Variants in SCAF11 observed in about 807,000 individuals in gnomAD.
SCAF11 encodes the protein SR-related CTD associated factor 11, also known as protein SCAF11.
In SCAF11, 47 loss-of-function variants were observed where a neutral mutation model predicts 140.5. The ratio of observed to expected loss-of-function variants is 0.33; its 90% CI spans 0.26 to 0.43. SCAF11 has a LOEUF of 0.43. Among genes scored for constraint, SCAF11 ranks in the 20% least tolerant of loss-of-function variants. SCAF11 has a pLI of 1.00. For missense variants in SCAF11, 1,645 were observed against 1,705.1 expected (o/e 0.96, Z 0.62); for synonymous variants, 557 against 579.4 (o/e 0.96, Z 0.55).
chr12:45,928,023 C>A lies in SCAF11; in HGVS notation c.1678G>T (p.Val560Leu), dbSNP rs201926084. ...AGGGGACAAGATACAGGTTGGTACA[C>A]TTTGCTTTCAGATGTTAAACATGTA... ...FPTCLTSESK[V>L]YQPVSCPLSD... Residue 560 changes from valine (V) to leucine (L), a missense_variant, in exon 11 of 15, where the codon GTG (valine) becomes TTG (leucine). Val to Leu is a conservative substitution (Grantham distance 32). Around this residue, in one of 2 missense-constraint regions of SCAF11, gnomAD observed 1,582 missense variants for 1,609.2 expected, o/e 0.98. Coordinates refer to ENST00000369367, the MANE Select transcript of SCAF11 (RefSeq NM_004719.3). 6.2e-7 allele frequency: 1 copy of A among 1,613,394 alleles called. No homozygotes were observed. The highest frequency in any genetic ancestry group is 8.5e-7 in the Non-Finnish European group (1 of 1,180,010).
chr12:45,963,433 A>G, intron 2 of SCAF11, among the ~76,000 whole-genome samples: 1 of 152,074 alleles, frequency 6.6e-6, no homozygotes, highest in East Asian at 1.9e-4. Context: ...AAAAAAAATG[A>G]GTAATATCTT....
Position 45,990,376 on chromosome 12 carries a change from G to A in SCAF11, c.-45C>T. 8.1e-7 allele frequency: 1 copy of A among 1,232,176 alleles called. No individual in the cohort carries two copies. 76.3% of individuals were successfully genotyped at this position (1,232,176 alleles called of 1,614,324 possible). A position where few individuals can be genotyped will look rare whatever the true frequency, so the allele number is the denominator to read the frequency against. On this transcript the variant is annotated 5_prime_UTR_variant, in exon 1 of 15. Transcript: ENST00000369367. ...ACCTCAGACCGAGGTCGAGGCGCTC[G>A]GTCCGGCCGCGGCCCCACAGTAGGT...
Position 45,921,284 on chromosome 12 carries a change from A to G in SCAF11, c.*764T>C, listed in dbSNP as rs1364024571. The G allele has an allele frequency of 6.6e-6, 1 of 152,636 alleles. No individual in the cohort carries two copies. Among genetic ancestry groups the G allele is most frequent in the African/African-American group, 2.4e-5 (1 of 41,442 alleles). The allele number at this position is 152,636 out of a possible 1,614,324, so 9.5% of individuals were successfully genotyped here. ...GGCGTGAGCCATCATGCCCGGCCGA[A>G]AGTCAACAATTTTTCCAAATCTTTT... is the stretch of plus-strand genomic sequence containing the variant. On this transcript the variant is annotated 3_prime_UTR_variant, in exon 15 of 15. Coordinates refer to ENST00000369367, the MANE Select transcript of SCAF11 (RefSeq NM_004719.3).
At position 45,947,391 on chromosome 12, in the gene SCAF11, T is replaced by A. The variant is rs566585832; in HGVS notation, c.398+1046A>T. 1.7e-4 allele frequency among the ~76,000 whole-genome samples: 26 copies of A among 151,986 alleles called. 1 individual carries two copies. On this transcript the variant is annotated intron_variant, in intron 5 of 14. Transcript: ENST00000369367. ...AATAGGCAATGGTTTTAACAGCAAC[T>A]AAAAAAAAGAAACCTGTATATTTAA...
intron 1 of SCAF11, among the ~76,000 whole-genome samples, chr12:45,985,990 C>G (rs1269410924): frequency 5.3e-5 from 8 of 152,170 alleles, no homozygotes; most frequent in African/African-American, 1.9e-4. Context: ...CCCACTCACC[C>G]TCTACTTCTC....
intron 10 of SCAF11, among the ~76,000 whole-genome samples, chr12:45,930,434 C>T (rs1480277622): frequency 1.4e-5 from 2 of 147,460 alleles, no homozygotes; most frequent in East Asian, 3.9e-4. Flanking sequence ...CCAGGTTTTG[C>T]GTTGTGTTTT....
intron 1 of SCAF11, among the ~76,000 whole-genome samples, chr12:45,965,051 A>C (rs1427504526): frequency 4.6e-5 from 7 of 152,118 alleles, no homozygotes; most frequent in Admixed American, 4.6e-4. Flanking sequence ...GAGAGGTAAT[A>C]AGAAATAAGC....
At chr12:45,978,567 C>T (rs1946286047) in intron 1 of SCAF11, among the ~76,000 whole-genome samples, 1 of 152,118 alleles carries the variant, frequency 6.6e-6, no homozygotes, top group Non-Finnish European at 1.5e-5. Flanking sequence ...ACTACAGGAG[C>T]ACTTGGGTCA....
At chr12:45,984,749 C>CA (rs1177667587) in intron 1 of SCAF11, among the ~76,000 whole-genome samples, 1 of 146,236 alleles carries the variant, frequency 6.8e-6, no homozygotes, top group African/African-American at 2.6e-5. Flanking sequence ...GGCTGGAGTG[C>CA]AGTGTGGTGA....
intron 5 of SCAF11, among the ~76,000 whole-genome samples, chr12:45,947,714 T>C (rs1218783605): frequency 1.3e-5 from 2 of 152,210 alleles, no homozygotes; most frequent in Non-Finnish European, 2.9e-5. Flanking sequence ...TCTTGCTCTG[T>C]TGCTCAGGCT....
intron 1 of SCAF11, among the ~76,000 whole-genome samples, chr12:45,978,588 A>C (rs1946286720): frequency 6.6e-6 from 1 of 152,170 alleles, no homozygotes; most frequent in Non-Finnish European, 1.5e-5. Context: ...ACAGCACTGT[A>C]TTTTCACATC....
At chr12:45,939,462 G>A (rs753645241) in intron 6 of SCAF11, among the ~76,000 whole-genome samples, 1 of 152,130 alleles carries the variant, frequency 6.6e-6, no homozygotes, top group East Asian at 1.9e-4. Flanking sequence ...TTGGGAGGCC[G>A]AGACGGGCAG....
chr12:45,930,320 C>G (rs935835949), intron 10 of SCAF11, among the ~76,000 whole-genome samples: 2 of 152,102 alleles, frequency 1.3e-5, no homozygotes, highest in African/African-American at 2.4e-5. Context: ...CAGTATTGCA[C>G]TAAACACTAT....
chr12:45,992,041 G>A (rs1193911795), upstream of SCAF11: 3 of 1,288,638 alleles, frequency 2.3e-6, no homozygotes, highest in Non-Finnish European at 3.0e-6. Flanking sequence ...CCGCTTCACT[G>A]CCGCCTTCCT....
Position 45,927,633 on chromosome 12 carries a change from C to G in SCAF11, c.2068G>C (p.Glu690Gln). 6.2e-7 allele frequency: 1 copy of G among 1,612,202 alleles called. No homozygotes were observed. Among genetic ancestry groups the G allele is most frequent in the Non-Finnish European group, 8.5e-7 (1 of 1,179,948 alleles). Residue 690 changes from glutamate to glutamine, a missense_variant, in exon 11 of 15, where the codon GAA (glutamate) becomes CAA (glutamine). Glu to Gln is a conservative substitution (Grantham distance 29). Transcript: ENST00000369367. ...GGCAACTCTGTAGATCTAGGATGTT[C>G]GGTCAGCGATTCATTCTTTTCTTCT... Reference protein sequence around the residue: ...SLEEKNESLTEHPRSTELPKT... With the variant: ...SLEEKNESLTQHPRSTELPKT...
chr12:45,972,995 T>TATATAG (rs1946145467), intron 1 of SCAF11, among the ~76,000 whole-genome samples: 3 of 143,238 alleles, frequency 2.1e-5, no homozygotes, highest in Admixed American at 1.4e-4. Context: ...TAGATATAGA[T>TATATAG]ATATAGATAT....
intron 3 of SCAF11, chr12:45,956,148 T>G: frequency 1.4e-6 from 1 of 716,874 alleles, no homozygotes; most frequent in East Asian, 2.7e-5. Flanking sequence ...CGCTTCCTCC[T>G]GCTGCTCTAT....
chr12:45,937,634 C>G (rs1180093258), intron 6 of SCAF11, among the ~76,000 whole-genome samples: 1 of 152,168 alleles, frequency 6.6e-6, no homozygotes, highest in African/African-American at 2.4e-5. Flanking sequence ...ATGACATTAT[C>G]TTTAAGTCTT....
chr12:45,967,592 C>T (rs557367902), intron 1 of SCAF11, among the ~76,000 whole-genome samples: 1 of 152,050 alleles, frequency 6.6e-6, no homozygotes, highest in African/African-American at 2.4e-5. Flanking sequence ...TGCAGTGAAT[C>T]GAGATTGCGC....
Sources: gnomAD v4.1 joint callset for allele counts (sites outside exome capture counted in the v4.1 genomes callset) on GRCh38, gnomAD v4.1.1 for gene constraint, gnomAD v4.1.1 regional missense constraint, MANE v1.5 for transcripts, NCBI Gene and HGNC (gene_info 2026-07-23, HGNC 2026-07-21) for gene names.